Variants in FREM2 observed in about 807,000 individuals in gnomAD.
The protein encoded by FREM2 is FRAS1-related extracellular matrix protein 2.
In FREM2, 119 loss-of-function variants were observed where a neutral mutation model predicts 219.9. The ratio of observed to expected loss-of-function variants is 0.54; its 90% CI spans 0.47 to 0.63. The LOEUF is 0.63. Among genes scored for constraint, FREM2 ranks in the 30% least tolerant of loss-of-function variants. The pLI, the probability that FREM2 is intolerant of heterozygous loss-of-function variation, is 0.00. For synonymous variants in FREM2, 1,562 were observed against 1,522.8 expected, an observed-to-expected ratio of 1.03 and a Z score of -0.60; for missense variants, 4,030 against 3,993.6, an observed-to-expected ratio of 1.01 and a Z score of -0.25.
chr13:38,765,815 C>A (rs1873413095), intron 3 of FREM2, among the ~76,000 whole-genome samples: 2 of 152,164 alleles, frequency 1.3e-5, no homozygotes, highest in African/African-American at 4.8e-5. Context: ...CCCGCGGCCT[C>A]ACCCCCAGCC....
rs1482175684 is a variant in FREM2, at chr13:38,689,313, C to T, written c.1969C>T (p.His657Tyr). 1.9e-6 allele frequency: 3 copies of T among 1,613,988 alleles called. No individual in the cohort carries two copies. The highest frequency in any genetic ancestry group is 1.7e-5 in the Admixed American group (1 of 60,006). ...AACAGAGGGCAGGCTGTTCTATAGA[C>T]ACTCTGGGCCCCATAGTCCTGGGCC... ...DITEGRLFYR[H>Y]SGPHSPGPVT... The change falls in exon 1 of 24, where the codon CAC becomes TAC. Residue 657 changes from histidine (H) to tyrosine (Y), a missense_variant. This residue lies in a region of FREM2 where 3,102 missense variants were observed against 2,950.7 expected (regional missense o/e 1.05). Transcript: ENST00000280481.
chr13:38,785,894 T>C (rs1361267254), intron 6 of FREM2, among the ~76,000 whole-genome samples: 2 of 152,348 alleles, frequency 1.3e-5, no homozygotes, highest in East Asian at 3.9e-4. Context: ...TAAAATTTCT[T>C]CTAGTTTCTG....
At chr13:38,875,386 A>C (rs1439855420) in intron 18 of FREM2, among the ~76,000 whole-genome samples, 1 of 152,208 alleles carries the variant, frequency 6.6e-6, no homozygotes, top group Admixed American at 6.5e-5. Flanking sequence ...GAAGAGAAAG[A>C]GGCTTCATTG....
rs764712204 is a variant in FREM2 at position 38,692,364 on chromosome 13, C to T, written c.5020C>T (p.His1674Tyr). 6.2e-7 allele frequency: 1 copy of T among 1,606,356 alleles called. No homozygotes were observed. Among genetic ancestry groups the T allele is most frequent in the Non-Finnish European group, 8.5e-7 (1 of 1,175,550 alleles). The change falls in exon 1 of 24, where the codon CAC (histidine) becomes TAC (tyrosine). Residue 1674 changes from histidine to tyrosine, a missense_variant. Coordinates refer to ENST00000280481, the MANE Select transcript of FREM2 (RefSeq NM_207361.6). ...ASTLRTLATG[H>Y]LGFMITSKIL... The stretch of plus-strand genomic sequence containing the variant: ...TACACTTCGCACTCTAGCCACTGGC[C>T]ACTTGGGGTTCATGATCACAAGCAA...
chr13:38,877,071 C>A, intron 20 of FREM2, 46 bp from the exon 21 acceptor site: 1 of 1,610,218 alleles, frequency 6.2e-7, no homozygotes. Context: ...GTTTGTGCAC[C>A]ATCAGAACCA....
chr13:38,814,955 T>C (rs1566152238), intron 6 of FREM2, among the ~76,000 whole-genome samples: 1 of 152,142 alleles, frequency 6.6e-6, no homozygotes, highest in Non-Finnish European at 1.5e-5. Flanking sequence ...GGACTCAGCC[T>C]TCAGGACAGT....
chr13:38,850,254 T>C lies in FREM2; in HGVS notation c.6577+19T>C. On this transcript the variant is annotated intron_variant, in intron 9 of 23. Coordinates refer to ENST00000280481, the MANE Select transcript of FREM2 (RefSeq NM_207361.6). ...CTCCCTGGTAAGCTTGAACTTGAAA[T>C]TTTTTCGTGAAATTTGAAGAAGCCG... 1.9e-6 allele frequency: 3 copies of C among 1,611,248 alleles called. No individual in the cohort carries two copies. The highest frequency in any genetic ancestry group is 2.5e-6 in the Non-Finnish European group (3 of 1,177,698).
Position 38,688,651 on chromosome 13 carries a change from C to G in FREM2, c.1307C>G (p.Thr436Arg). 6.2e-7 allele frequency: 1 copy of G among 1,614,164 alleles called. No individual in the cohort carries two copies. The highest frequency in any genetic ancestry group is 8.5e-7 in the Non-Finnish European group (1 of 1,180,016). ...AFMVVVKPMNTMAPVVTRNTG... is the reference protein window; with the variant it reads ...AFMVVVKPMNRMAPVVTRNTG... ...ATGGTAGTGGTGAAGCCCATGAACA[C>G]AATGGCTCCGGTGGTCACCCGGAAT... Residue 436 changes from threonine to arginine, a missense_variant, in exon 1 of 24, where the codon ACA becomes AGA. By Grantham distance (71) the Thr-to-Arg change is moderately conservative. This residue lies in a region of FREM2 where 3,102 missense variants were observed against 2,950.7 expected (regional missense o/e 1.05). Transcript: ENST00000280481.
intron 17 of FREM2, among the ~76,000 whole-genome samples, chr13:38,873,415 CT>C (rs1878233170): frequency 6.6e-6 from 1 of 152,168 alleles, no homozygotes; most frequent in African/African-American, 2.4e-5. Context: ...AAGCATATTG[CT>C]TAACCTTTCT....
intron 2 of FREM2, among the ~76,000 whole-genome samples, chr13:38,709,523 A>G (rs183572076): frequency 7.4e-4 from 112 of 151,440 alleles, no homozygotes; most frequent in Middle Eastern, 3.4e-3. Context: ...TTAATAATAT[A>G]TAATATAATG....
intron 6 of FREM2, among the ~76,000 whole-genome samples, chr13:38,829,338 A>T (rs1406543760): frequency 6.6e-6 from 1 of 152,146 alleles, no homozygotes; most frequent in African/African-American, 2.4e-5. Context: ...TAGTATGATG[A>T]TATGGGCCTT....
At position 38,832,425 on chromosome 13, in the gene FREM2, G is replaced by T. The variant is rs982456695; in HGVS notation, c.6020-14148G>T. 2.6e-5 allele frequency among the ~76,000 whole-genome samples: 4 copies of T among 152,014 alleles called. No individual in the cohort carries two copies. In the East Asian group the frequency reaches 5.8e-4, roughly 22 times the overall value. The stretch of plus-strand genomic sequence containing the variant: ...TCAATGCTACTTGAAAAAGTTAAAT[G>T]GGTAGCAAATGAATGTATGCAAGAA... On this transcript the variant is annotated intron_variant, in intron 6 of 23. Coordinates refer to ENST00000280481, the MANE Select transcript of FREM2 (RefSeq NM_207361.6).
Position 38,701,931 on chromosome 13 carries a change from C to G in FREM2, c.5263+4144C>G, listed in dbSNP as rs866236585. ...AAAAAGGTATCATTAATCTTTGTACCTCAGTGCCAAGGCTGAGCACGAGGT... is the reference window on the plus strand; with the variant it reads ...AAAAAGGTATCATTAATCTTTGTACGTCAGTGCCAAGGCTGAGCACGAGGT... On this transcript the variant is annotated intron_variant, in intron 2 of 23. Coordinates refer to ENST00000280481, the MANE Select transcript of FREM2 (RefSeq NM_207361.6). Among the ~76,000 whole-genome samples the G allele has an allele frequency of 2.0e-5, 3 of 151,994 alleles. No homozygotes were observed. The South Asian group carries it at 6.2e-4, about 32-fold the overall frequency.
chr13:38,807,073 A>C (rs1254559287), intron 6 of FREM2, among the ~76,000 whole-genome samples: 1 of 149,770 alleles, frequency 6.7e-6, no homozygotes, highest in Non-Finnish European at 1.5e-5. Flanking sequence ...ATCTGTAGTT[A>C]CTTCCTCCAC....
At chr13:38,742,735 T>A (rs960750690) in intron 2 of FREM2, among the ~76,000 whole-genome samples, 1 of 152,224 alleles carries the variant, frequency 6.6e-6, no homozygotes, top group African/African-American at 2.4e-5. Flanking sequence ...TTTCTAATCA[T>A]GAGCCTCAAA....
In FREM2 at chr13:38,850,071, C is replaced by T. The variant is rs758396805; in HGVS notation, c.6413C>T (p.Thr2138Ile). The change falls in exon 9 of 24, where the codon ACT becomes ATT. Residue 2138 changes from threonine (T) to isoleucine (I), a missense_variant. This residue lies in a region of FREM2 where 3,102 missense variants were observed against 2,950.7 expected (regional missense o/e 1.05). Transcript: ENST00000280481. ...ATGCAATTCAAAGAACGAATATATA[C>T]TGGCAGCGAAAGTGATGGGCAGATA... ...PKMQFKERIY[T>I]GSESDGQIVT... 1 of 1,613,950 alleles carries T rather than the reference C, an allele frequency of 6.2e-7. No individual in the cohort carries two copies. Among genetic ancestry groups the T allele is most frequent in the South Asian group, 1.1e-5 (1 of 91,082 alleles).
rs531018425 is a variant in FREM2, at chr13:38,811,202, T to C, written c.6019+26394T>C. On this transcript the variant is annotated intron_variant, in intron 6 of 23. Transcript: ENST00000280481. The stretch of plus-strand genomic sequence containing the variant: ...TGATTTTATTTATTTGGATCTTCTC[T>C]CTTTTTTTCTTAGTCTGGCTAACAG... Among the ~76,000 whole-genome samples the C allele has an allele frequency of 2.4e-3, 368 of 152,186 alleles. 1 individual carries two copies. The highest frequency in any genetic ancestry group is 4.1e-3 in the Non-Finnish European group (276 of 67,952).
intron 16 of FREM2, among the ~76,000 whole-genome samples, chr13:38,871,504 G>A (rs1057267200): frequency 6.6e-6 from 1 of 152,118 alleles, no homozygotes; most frequent in Admixed American, 6.6e-5. Context: ...GATAGCCTTT[G>A]TTAGATGACC....
chr13:38,767,719 GT>G (rs1476556241), intron 3 of FREM2, among the ~76,000 whole-genome samples: 4 of 152,162 alleles, frequency 2.6e-5, no homozygotes, highest in Admixed American at 6.5e-5. Context: ...AACCAACTCT[GT>G]GTGCACAAGG....
Sources: gnomAD v4.1 joint callset for allele counts (sites outside exome capture counted in the v4.1 genomes callset) on GRCh38, gnomAD v4.1.1 for gene constraint, gnomAD v4.1.1 regional missense constraint, MANE v1.5 for transcripts, NCBI Gene and HGNC (gene_info 2026-07-23, HGNC 2026-07-21) for gene names.